Variants in FBXW7 observed in about 807,000 individuals in gnomAD.
FBXW7 encodes the protein F-box and WD repeat domain containing 7, also known as F-box/WD repeat-containing protein 7.
In FBXW7, 11 loss-of-function variants were observed where a neutral mutation model predicts 86.3. The observed-to-expected ratio is 0.13, with a 90% CI of 0.08 to 0.21. The LOEUF (loss-of-function observed/expected upper bound fraction) is 0.21, where lower values mean the gene tolerates loss of function less well. FBXW7 is among the 10% of genes least tolerant of loss of function. The probability of loss-of-function intolerance (pLI) is 1.00; values close to 1 mark genes in which losing one functional copy is unlikely to be tolerated. For synonymous variants in FBXW7, 313 were observed against 297.9 expected (o/e 1.05, Z -0.52); for missense variants, 488 against 847.4 (o/e 0.58, Z 5.27).
rs540476294 is a variant in FBXW7 at position 152,375,781 on chromosome 4, T to C, written c.502-25657A>G. On this transcript the variant is annotated intron_variant, in intron 4 of 13. Coordinates refer to ENST00000281708, the MANE Select transcript of FBXW7 (RefSeq NM_001349798.2). ...TAGAAACCCCATGCTGTTTTTGAAC[T>C]GATACAATTTTTTCTGAAAAAATTT... 5.3e-5 allele frequency among the ~76,000 whole-genome samples: 8 copies of C among 152,196 alleles called. No individual in the cohort carries two copies. The East Asian group carries it at 1.5e-3, about 29-fold the overall frequency.
At chr4:152,350,872 G>A (rs1731748892) in intron 4 of FBXW7, among the ~76,000 whole-genome samples, 1 of 151,836 alleles carries the variant, frequency 6.6e-6, no homozygotes, top group East Asian at 1.9e-4. Flanking sequence ...TCTATAAGGT[G>A]TATCCAAAAT....
chr4:152,462,560 T>C (rs191412596), intron 2 of FBXW7, among the ~76,000 whole-genome samples: 19 of 152,304 alleles, frequency 1.2e-4, no homozygotes, highest in South Asian at 8.3e-4. Flanking sequence ...CGTAACTTCT[T>C]TCCTATGCCA....
intron 4 of FBXW7, among the ~76,000 whole-genome samples, chr4:152,373,724 G>A (rs989564649): frequency 1.3e-5 from 2 of 151,884 alleles, no homozygotes; most frequent in Non-Finnish European, 2.9e-5. Flanking sequence ...CTCATACTCT[G>A]ACAGTACTTT....
intron 2 of FBXW7, among the ~76,000 whole-genome samples, chr4:152,477,804 G>A (rs1023484351): frequency 5.3e-5 from 8 of 152,060 alleles, no homozygotes; most frequent in African/African-American, 9.7e-5. Context: ...AGCAGAAAGT[G>A]TTTTTTAATC....
At chr4:152,327,003 C>T (rs976977556) in intron 11 of FBXW7, among the ~76,000 whole-genome samples, 2 of 152,076 alleles carry the variant, frequency 1.3e-5, no homozygotes, top group African/African-American at 4.8e-5. Context: ...GCGCTATACT[C>T]TTCTGAAAAC....
intron 2 of FBXW7, among the ~76,000 whole-genome samples, chr4:152,469,685 C>T (rs925390109): frequency 2.0e-5 from 3 of 152,090 alleles, no homozygotes; most frequent in Non-Finnish European, 2.9e-5. Flanking sequence ...AGCATTCCTG[C>T]TCACTAAAAC....
intron 4 of FBXW7, among the ~76,000 whole-genome samples, chr4:152,357,985 T>C (rs979090745): frequency 1.3e-5 from 2 of 152,184 alleles, no homozygotes; most frequent in African/African-American, 4.8e-5. Context: ...ACAGCCGGCA[T>C]CAGTGCAATA....
intron 4 of FBXW7, among the ~76,000 whole-genome samples, chr4:152,355,611 A>T (rs959692509): frequency 6.6e-6 from 1 of 152,170 alleles, no homozygotes; most frequent in Admixed American, 6.5e-5. Context: ...ATTCTATAAA[A>T]AATTAATTCT....
intron 2 of FBXW7, among the ~76,000 whole-genome samples, chr4:152,458,729 A>G (rs1180946211): frequency 2.0e-5 from 3 of 152,208 alleles, no homozygotes; most frequent in Non-Finnish European, 2.9e-5. Flanking sequence ...AATCAGCTCT[A>G]TTAAGAGTGA....
chr4:152,368,318 T>C (rs1340113320), intron 4 of FBXW7, among the ~76,000 whole-genome samples: 2 of 152,088 alleles, frequency 1.3e-5, no homozygotes, highest in Non-Finnish European at 2.9e-5. Context: ...GAAGCAGTTG[T>C]AGCATGAACA....
At chr4:152,337,593 GTTAC>G (rs1331656351) in intron 7 of FBXW7, 2 of 450,384 alleles carry the variant, frequency 4.4e-6, no homozygotes, top group Non-Finnish European at 7.8e-6. Context: ...GTGGAAAGGA[GTTAC>G]TTAGTTCACA....
chr4:152,398,078 C>A, intron 4 of FBXW7, among the ~76,000 whole-genome samples: 1 of 151,588 alleles, frequency 6.6e-6, no homozygotes, highest in Non-Finnish European at 1.5e-5. Flanking sequence ...AAAAAAAAAG[C>A]AAAAACAAAA....
rs1398073953 is a variant in FBXW7 at position 152,535,281 on chromosome 4, G to A, written c.-367C>T. On this transcript the variant is annotated 5_prime_UTR_variant, in exon 1 of 14. Transcript: ENST00000281708. ...GCGGCCGGCCCCCCGGGTCCCCCCC[G>A]GCCCCGCCGCCCTCGGGACTGGGGC... The A allele has an allele frequency of 1.1e-5, 3 of 275,686 alleles. No individual in the cohort carries two copies. Among genetic ancestry groups the A allele is most frequent in the Non-Finnish European group, 2.0e-5 (3 of 147,920 alleles). The allele number at this position is 275,686 out of a possible 1,614,324, so 17.1% of individuals were successfully genotyped here.
At position 152,347,077 on chromosome 4, in the gene FBXW7, A is replaced by G. The variant is rs770761299; in HGVS notation, c.585-6T>C. On this transcript the variant is annotated splice_polypyrimidine_tract_variant and splice_region_variant and intron_variant, in intron 5 of 13. Transcript: ENST00000281708. ...ATGGTACAAGCCCAGTGGTACTACA[A>G]AAAAAAAAAAAAGAGAGAGAGAAAG... 6 of 971,678 alleles carry G rather than the reference A, an allele frequency of 6.2e-6. No individual in the cohort carries two copies. Among genetic ancestry groups the G allele is most frequent in the Non-Finnish European group, 8.5e-6 (6 of 703,744 alleles). The allele number at this position is 971,678 out of a possible 1,614,324, so 60.2% of individuals were successfully genotyped here.
At chr4:152,367,580 C>A in intron 4 of FBXW7, among the ~76,000 whole-genome samples, 1 of 152,060 alleles carries the variant, frequency 6.6e-6, no homozygotes, top group East Asian at 1.9e-4. Flanking sequence ...TGTGAATATG[C>A]AAAATATGCA....
intron 6 of FBXW7, among the ~76,000 whole-genome samples, chr4:152,340,879 A>G (rs112792125): frequency 1.6e-4 from 24 of 152,228 alleles, no homozygotes; most frequent in African/African-American, 5.8e-4. Flanking sequence ...AGTCTTCCTC[A>G]TTTCAGTAAA....
At chr4:152,392,728 C>T (rs958412719) in intron 4 of FBXW7, among the ~76,000 whole-genome samples, 6 of 151,816 alleles carry the variant, frequency 4.0e-5, no homozygotes, top group African/African-American at 1.5e-4. Flanking sequence ...TTATAGTCAT[C>T]CTAGTGGAGT....
At chr4:152,395,997 G>A (rs192389153) in intron 4 of FBXW7, among the ~76,000 whole-genome samples, 1 of 152,024 alleles carries the variant, frequency 6.6e-6, no homozygotes, top group African/African-American at 2.4e-5. Flanking sequence ...GCAATATCAA[G>A]ACCCTCTTTT....
At chr4:152,511,298 C>G (rs538700086) in intron 2 of FBXW7, among the ~76,000 whole-genome samples, 23 of 151,080 alleles carry the variant, frequency 1.5e-4, no homozygotes, top group East Asian at 5.8e-4. Context: ...CCCCGCCCCC[C>G]CCACCGAATC....
Sources: gnomAD v4.1 joint callset for allele counts (sites outside exome capture counted in the v4.1 genomes callset) on GRCh38, gnomAD v4.1.1 for gene constraint, MANE v1.5 for transcripts, NCBI Gene and HGNC (gene_info 2026-07-23, HGNC 2026-07-21) for gene names.